The following ZFHX4 variants were observed in gnomAD, a reference collection of about 807,000 sequenced individuals.
ZFHX4 encodes zinc finger homeobox protein 4.
Under a neutral mutation model 267.6 loss-of-function variants are expected in ZFHX4, and 56 were observed. The ratio of observed to expected loss-of-function variants is 0.21; its 90% confidence interval spans 0.17 to 0.26. The LOEUF (loss-of-function observed/expected upper bound fraction) is 0.26, where lower values mean the gene tolerates loss of function less well. ZFHX4 is among the 10% of genes least tolerant of loss of function. ZFHX4 has a pLI of 1.00. For synonymous variants in ZFHX4, 1,778 were observed against 1,665.6 expected, an observed-to-expected ratio of 1.07 and a Z score of -1.64; for missense variants, 4,332 against 4,420.0, an observed-to-expected ratio of 0.98 and a Z score of 0.56.
intron 3 of ZFHX4, among the ~76,000 whole-genome samples, chr8:76,749,169 G>A (rs1011718303): frequency 2.6e-5 from 4 of 152,154 alleles, no homozygotes; most frequent in African/African-American, 9.7e-5. Context: ...GGTGTTCCAT[G>A]ACTATTCAGT....
intron 1 of ZFHX4, among the ~76,000 whole-genome samples, chr8:76,703,245 T>C (rs553370738): frequency 3.9e-5 from 6 of 152,252 alleles, no homozygotes; most frequent in African/African-American, 1.4e-4. Context: ...CTCACCAGGA[T>C]TGGTAACATC....
chr8:76,706,740 A>G, intron 2 of ZFHX4, 62 bp downstream of exon 2: 2 of 1,449,988 alleles, frequency 1.4e-6, no homozygotes, highest in Non-Finnish European at 1.8e-6. Flanking sequence ...ATTTGGCGTG[A>G]TGCACCCAGA....
chr8:76,688,394 A>G (rs1386359564), intron 1 of ZFHX4, among the ~76,000 whole-genome samples: 1 of 152,138 alleles, frequency 6.6e-6, no homozygotes, highest in Non-Finnish European at 1.5e-5. Context: ...GTGGCTGGGA[A>G]GGGAGAGAAG....
chr8:76,841,262 C>T (rs1183377063), intron 5 of ZFHX4, among the ~76,000 whole-genome samples: 2 of 152,150 alleles, frequency 1.3e-5, no homozygotes, highest in African/African-American at 4.8e-5. Context: ...TTATCCTGCT[C>T]ACACAGTTGT....
chr8:76,835,947 A>T (rs572328961), intron 5 of ZFHX4, among the ~76,000 whole-genome samples: 11 of 152,266 alleles, frequency 7.2e-5, no homozygotes, highest in African/African-American at 2.6e-4. Flanking sequence ...AATACAACAA[A>T]TTCCAAATTG....
intron 4 of ZFHX4, among the ~76,000 whole-genome samples, chr8:76,821,723 T>C (rs1811653839): frequency 6.6e-6 from 1 of 152,168 alleles, no homozygotes; most frequent in Non-Finnish European, 1.5e-5. Context: ...GCAATAAAAC[T>C]GACTAAAAGT....
At chr8:76,800,494 C>T (rs1239732697) in intron 4 of ZFHX4, among the ~76,000 whole-genome samples, 1 of 152,154 alleles carries the variant, frequency 6.6e-6, no homozygotes, top group East Asian at 1.9e-4. Context: ...ACATGTTGTT[C>T]CTCACTCTCT....
chr8:76,700,067 C>T (rs1418010199), intron 1 of ZFHX4, among the ~76,000 whole-genome samples: 1 of 152,172 alleles, frequency 6.6e-6, no homozygotes, highest in East Asian at 1.9e-4. Context: ...GAAAAGGCCA[C>T]AGCAGAGACA....
rs936415285 is a variant in ZFHX4 at position 76,707,455 on chromosome 8, C to T, written c.2591-91C>T. Reference sequence around the variant, plus strand: ...TATAGTTTAAGCTCTAGAGAAAGCACATTCCTTGTCAAGACTTTATTTTAC... The same window carrying T: ...TATAGTTTAAGCTCTAGAGAAAGCATATTCCTTGTCAAGACTTTATTTTAC... On this transcript the variant is annotated intron_variant, in intron 2 of 10. Coordinates refer to ENST00000651372, the MANE Select transcript of ZFHX4 (RefSeq NM_024721.5). 24 of 1,198,990 alleles carry T rather than the reference C, an allele frequency of 2.0e-5. No individual in the cohort carries two copies. The African/African-American group carries it at 2.8e-4, about 14-fold the overall frequency. 74.3% of individuals were successfully genotyped at this position (1,198,990 alleles called of 1,614,324 possible).
intron 4 of ZFHX4, among the ~76,000 whole-genome samples, chr8:76,787,912 C>T (rs768485889): frequency 3.9e-5 from 6 of 151,994 alleles, no homozygotes; most frequent in Non-Finnish European, 7.4e-5. Flanking sequence ...TGATGATAGC[C>T]GACCTTTACT....
In ZFHX4 at chr8:76,851,429, G is replaced by A; in HGVS notation, c.4508G>A (p.Gly1503Glu). The change falls in exon 10 of 11, where the codon GGA becomes GAA. Residue 1503 changes from glycine to glutamate, a missense_variant. Gly to Glu is a moderately conservative substitution (Grantham distance 98). This residue lies in a region of ZFHX4 where 1,371 missense variants were observed against 1,423.1 expected (regional missense o/e 0.96). Coordinates refer to ENST00000651372, the MANE Select transcript of ZFHX4 (RefSeq NM_024721.5). ...CACGAAGGGAAAGCAAGTCCTGTAG[G>A]AAGTGATAGTAGCTCTATTCCAGAT... ...VDHEGKASPVGSDSSSIPDDM... is the reference protein window; with the variant it reads ...VDHEGKASPVESDSSSIPDDM... 6.2e-7 allele frequency: 1 copy of A among 1,613,880 alleles called. No homozygotes were observed.
Position 76,852,114 on chromosome 8 carries a change from G to T in ZFHX4, c.5193G>T (p.Gln1731His). 1 of 1,613,968 alleles carries T rather than the reference G, an allele frequency of 6.2e-7. No individual in the cohort carries two copies. Among genetic ancestry groups the T allele is most frequent in the Non-Finnish European group, 8.5e-7 (1 of 1,179,870 alleles). Residue 1731 changes from glutamine (Q) to histidine (H), a missense_variant, in exon 10 of 11, where the codon CAG becomes CAT. By Grantham distance (24) the Gln-to-His change is conservative. Around this residue, in one of 7 missense-constraint regions of ZFHX4, gnomAD observed 1,371 missense variants for 1,423.1 expected, o/e 0.96. Transcript: ENST00000651372. Reference protein sequence around the residue: ...HFPMTPEALLQFQQPQFLFPF... With the variant: ...HFPMTPEALLHFQQPQFLFPF... The stretch of plus-strand genomic sequence containing the variant: ...CTATGACCCCAGAAGCACTGCTGCA[G>T]TTTCAGCAGCCTCAGTTTCTCTTTC...
At position 76,854,922 on chromosome 8, in the gene ZFHX4, G is replaced by A. The variant is rs761223969; in HGVS notation, c.8001G>A (p.Ala2667=). 8 of 1,613,702 alleles carry A rather than the reference G, an allele frequency of 5.0e-6. No individual in the cohort carries two copies. In the African/African-American group the frequency reaches 8.0e-5, roughly 16 times the overall value. ...GGGAGAGGAAAGGCCAGTTCCGGGC[G>A]GTGGGTCCAGCACAGTCTCATAAAC... ...RARERKGQFR[A]VGPAQSHKRC... is the part of the protein sequence containing the mutation. Residue 2667 remains alanine, a synonymous_variant, in exon 10 of 11, where the codon GCG becomes GCA. Coordinates refer to ENST00000651372, the MANE Select transcript of ZFHX4 (RefSeq NM_024721.5).
At chr8:76,744,920 A>G (rs932255457) in intron 3 of ZFHX4, among the ~76,000 whole-genome samples, 1 of 152,034 alleles carries the variant, frequency 6.6e-6, no homozygotes, top group Admixed American at 6.6e-5. Context: ...GGGAGTTTCT[A>G]TTTCTAGACA....
chr8:76,861,329 T>C (rs760087369), intron 10 of ZFHX4, among the ~76,000 whole-genome samples: 2 of 152,192 alleles, frequency 1.3e-5, no homozygotes, highest in Non-Finnish European at 2.9e-5. Context: ...CTGTAAAATT[T>C]AGTCTCCTCT....
intron 4 of ZFHX4, among the ~76,000 whole-genome samples, chr8:76,797,912 G>A (rs772040685): frequency 6.6e-6 from 1 of 151,132 alleles, no homozygotes; most frequent in Non-Finnish European, 1.5e-5. Context: ...GTGTGTGTGT[G>A]TGTGTGTCTG....
rs1420455803 is a variant in ZFHX4 at position 76,851,316 on chromosome 8, G to C, written c.4395G>C (p.Val1465=). The C allele has an allele frequency of 6.2e-7, 1 of 1,613,630 alleles. No homozygotes were observed. Among genetic ancestry groups the C allele is most frequent in the Non-Finnish European group, 8.5e-7 (1 of 1,179,804 alleles). Residue 1465 remains valine, a synonymous_variant, in exon 10 of 11, where the codon GTG becomes GTC. Coordinates refer to ENST00000651372, the MANE Select transcript of ZFHX4 (RefSeq NM_024721.5). ...ELQQLYASLP[V]NGELWAESET... ...AACAGCTATATGCCTCCTTGCCCGT[G>C]AATGGAGAACTGTGGGCAGAGAGCG...
At chr8:76,816,550 T>A (rs886782837) in intron 4 of ZFHX4, among the ~76,000 whole-genome samples, 4 of 151,884 alleles carry the variant, frequency 2.6e-5, no homozygotes, top group Non-Finnish European at 5.9e-5. Flanking sequence ...CCTAGGGAGC[T>A]GTGACTGAGC....
chr8:76,771,449 G>GT (rs1193331728), intron 3 of ZFHX4, among the ~76,000 whole-genome samples: 1 of 151,364 alleles, frequency 6.6e-6, no homozygotes, highest in Non-Finnish European at 1.5e-5. Context: ...GTTTTGTTTT[G>GT]TTTTGAAGAG....
Sources: allele counts gnomAD v4.1 joint callset (sites outside exome capture counted in the v4.1 genomes callset), GRCh38; gene constraint gnomAD v4.1.1; regional missense constraint gnomAD v4.1.1; transcripts MANE v1.5; gene names NCBI Gene and HGNC (gene_info 2026-07-23, HGNC 2026-07-21).